Variants in PTPN2 observed in about 807,000 individuals in gnomAD.
PTPN2 encodes protein tyrosine phosphatase non-receptor type 2.
Under a neutral mutation model 57.3 loss-of-function variants are expected in PTPN2, and 19 were observed. That is an observed-to-expected ratio of 0.33 (90% CI 0.23 to 0.49). The LOEUF is 0.49. PTPN2 is among the 20% of genes least tolerant of loss of function. PTPN2 has a pLI of 0.99. For missense variants in PTPN2, 358 were observed against 501.1 expected, an observed-to-expected ratio of 0.71 and a Z score of 2.73; for synonymous variants, 153 against 164.9, an observed-to-expected ratio of 0.93 and a Z score of 0.55.
At chr18:12,851,712 T>C (rs748843939) in intron 2 of PTPN2, among the ~76,000 whole-genome samples, 16 of 152,224 alleles carry the variant, frequency 1.1e-4, no homozygotes, top group South Asian at 6.2e-4. Flanking sequence ...GCTAAGATCA[T>C]GCAGGGAGCG....
intron 5 of PTPN2, chr18:12,821,242 A>G (rs2042260431): frequency 6.6e-6 from 1 of 152,240 alleles, no homozygotes; most frequent in African/African-American, 2.4e-5. Context: ...TTGTTAAGGA[A>G]TAAATAAAAC....
At chr18:12,846,559 A>T (rs1024167771) in intron 2 of PTPN2, among the ~76,000 whole-genome samples, 4 of 152,056 alleles carry the variant, frequency 2.6e-5, no homozygotes, top group Non-Finnish European at 5.9e-5. Context: ...TGTCTTCATC[A>T]TTTTTTGGGC....
At chr18:12,819,577 G>A (rs2042201888) in intron 5 of PTPN2, among the ~76,000 whole-genome samples, 1 of 151,696 alleles carries the variant, frequency 6.6e-6, no homozygotes, top group Non-Finnish European at 1.5e-5. Flanking sequence ...TATGGGCAGT[G>A]GTTACATGAC....
At position 12,831,061 on chromosome 18, in the gene PTPN2, A is replaced by C; in HGVS notation, c.262-20T>G. ...TGGACCCTGTGAAGAGAGAGGAGAGAGAGCAGATGAGGGAAGCAGACAGAA... is the reference window on the plus strand; with the variant it reads ...TGGACCCTGTGAAGAGAGAGGAGAGCGAGCAGATGAGGGAAGCAGACAGAA... On this transcript the variant is annotated intron_variant, in intron 3 of 8. Coordinates refer to ENST00000309660, the MANE Select transcript of PTPN2 (RefSeq NM_002828.4). 1.3e-6 allele frequency: 2 copies of C among 1,515,586 alleles called. No individual in the cohort carries two copies. Among genetic ancestry groups the C allele is most frequent in the East Asian group, 2.3e-5 (1 of 43,860 alleles). 93.9% of individuals were successfully genotyped at this position (1,515,586 alleles called of 1,614,324 possible).
intron 3 of PTPN2, among the ~76,000 whole-genome samples, chr18:12,835,174 CTAAA>C (rs1183465275): frequency 6.6e-6 from 1 of 151,994 alleles, no homozygotes; most frequent in Non-Finnish European, 1.5e-5. Flanking sequence ...ATTTTTAACT[CTAAA>C]TAGTAGTTTA....
intron 7 of PTPN2, among the ~76,000 whole-genome samples, chr18:12,805,771 A>C (rs989685581): frequency 1.1e-4 from 16 of 151,474 alleles, no homozygotes; most frequent in Non-Finnish European, 2.1e-4. Flanking sequence ...CTGGGACTAC[A>C]GGCGCGTGCC....
At position 12,837,656 on chromosome 18, in the gene PTPN2, A is replaced by G. The variant is rs535380472; in HGVS notation, c.161-765T>C. On this transcript the variant is annotated intron_variant, in intron 2 of 8. Coordinates refer to ENST00000309660, the MANE Select transcript of PTPN2 (RefSeq NM_002828.4). ...TCCTCAACACACAACTGCCGGATGC[A>G]TATCACTGAATTATAAAACTAAAAA... Among the ~76,000 whole-genome samples the G allele has an allele frequency of 7.9e-5, 12 of 152,360 alleles. No homozygotes were observed. The South Asian group carries it at 2.3e-3, about 29-fold the overall frequency.
Position 12,793,795 on chromosome 18 carries a change from G to A in PTPN2, c.*483C>T. 2.1e-6 allele frequency: 2 copies of A among 938,602 alleles called. No homozygotes were observed. Among genetic ancestry groups the A allele is most frequent in the Non-Finnish European group, 2.5e-6 (2 of 785,538 alleles). The allele number at this position is 938,602 out of a possible 1,614,324, so 58.1% of individuals were successfully genotyped here. ...GATACTTATAAAATATATTTACCCT[G>A]AAATGCTTAAGAATAAAAGTGTTGA... On this transcript the variant is annotated 3_prime_UTR_variant, in exon 9 of 9. Transcript: ENST00000309660.
intron 3 of PTPN2, 39 bp from the exon 4 acceptor site, chr18:12,831,080 G>T: frequency 1.4e-6 from 2 of 1,421,922 alleles, no homozygotes; most frequent in South Asian, 1.2e-5. Context: ...GAGGGAAGCA[G>T]ACAGAAAGAG....
At chr18:12,829,345 C>T (rs1182194331) in intron 4 of PTPN2, among the ~76,000 whole-genome samples, 1 of 151,908 alleles carries the variant, frequency 6.6e-6, no homozygotes, top group Non-Finnish European at 1.5e-5. Context: ...GTAAAACCAT[C>T]TCTACAAAAA....
chr18:12,837,271 T>G (rs537459438), intron 2 of PTPN2, among the ~76,000 whole-genome samples: 1 of 152,314 alleles, frequency 6.6e-6, no homozygotes, highest in South Asian at 2.1e-4. Context: ...TGGTCTCAAA[T>G]AGATGAGACT....
Position 12,823,735 on chromosome 18 carries a change from G to A in PTPN2, c.495+2075C>T, listed in dbSNP as rs73404444. 5.5e-3 allele frequency among the ~76,000 whole-genome samples: 830 copies of A among 152,138 alleles called. 6 individuals are homozygous for A. The highest frequency in any genetic ancestry group is 0.018 in the African/African-American group (756 of 41,510). The stretch of plus-strand genomic sequence containing the variant: ...TCTGTCACTTATTAGCTAAGTAATC[G>A]ATGGAAAAATTCCTATAACCTAATG... On this transcript the variant is annotated intron_variant, in intron 5 of 8. Coordinates refer to ENST00000309660, the MANE Select transcript of PTPN2 (RefSeq NM_002828.4).
In PTPN2 at chr18:12,814,072, G is replaced by GC. The variant is rs1277619730; in HGVS notation, c.858+130dup. 4.1e-6 allele frequency: 3 copies of GC among 726,334 alleles called. No homozygotes were observed. In the African/African-American group the frequency reaches 5.5e-5, roughly 13 times the overall value. The allele number at this position is 726,334 out of a possible 1,614,324, so 45.0% of individuals were successfully genotyped here. ...GCTAAAATTTTACAATTTTAAGACA[G>GC]CCAGCTGGATTTACCACAAAAATTC... On this transcript the variant is annotated intron_variant, in intron 7 of 8. Coordinates refer to ENST00000309660, the MANE Select transcript of PTPN2 (RefSeq NM_002828.4).
At chr18:12,881,261 CCT>C (rs1174425823) in intron 1 of PTPN2, among the ~76,000 whole-genome samples, 3 of 152,050 alleles carry the variant, frequency 2.0e-5, no homozygotes, top group Non-Finnish European at 4.4e-5. Context: ...ATGTCGAAAC[CCT>C]GTCTCTACTA....
At chr18:12,788,755 C>T (rs528470981), downstream of PTPN2, among the ~76,000 whole-genome samples, 7 of 152,194 alleles carry the variant, frequency 4.6e-5, no homozygotes, top group African/African-American at 1.7e-4. Flanking sequence ...ATGCTCCCTT[C>T]CCTGAAGGAC....
At chr18:12,812,475 T>A (rs2145296396) in intron 7 of PTPN2, among the ~76,000 whole-genome samples, 1 of 152,276 alleles carries the variant, frequency 6.6e-6, no homozygotes, top group South Asian at 2.1e-4. Flanking sequence ...GGCAGGCACC[T>A]GTAATCCCAA....
intron 2 of PTPN2, among the ~76,000 whole-genome samples, chr18:12,847,462 T>C (rs764577400): frequency 1.3e-5 from 2 of 152,146 alleles, no homozygotes; most frequent in Non-Finnish European, 2.9e-5. Flanking sequence ...TGCTGCTCTG[T>C]TTAGGTTTTC....
At chr18:12,860,334 C>T (rs1294549428) in intron 1 of PTPN2, among the ~76,000 whole-genome samples, 1 of 151,082 alleles carries the variant, frequency 6.6e-6, no homozygotes, top group East Asian at 2.0e-4. Context: ...CGCGGTGGCT[C>T]ATGCCTGTAA....
chr18:12,843,173 G>T (rs994163112), intron 2 of PTPN2, among the ~76,000 whole-genome samples: 2 of 152,046 alleles, frequency 1.3e-5, no homozygotes, highest in South Asian at 4.2e-4. Flanking sequence ...CCAGAAAAGG[G>T]TGACTACTAC....
Sources: allele counts gnomAD v4.1 joint callset (sites outside exome capture counted in the v4.1 genomes callset), GRCh38; gene constraint gnomAD v4.1.1; transcripts MANE v1.5; gene names NCBI Gene and HGNC (gene_info 2026-07-23, HGNC 2026-07-21).